GRAMD1A: variants seen among roughly 807,000 people sequenced by gnomAD.
GRAMD1A encodes the protein GRAM domain containing 1A.
Under a neutral mutation model 92.0 loss-of-function variants are expected in GRAMD1A, and 50 were observed. That is an observed-to-expected ratio of 0.54 (90% CI 0.43 to 0.69). GRAMD1A has a LOEUF of 0.69. GRAMD1A is among the 30% of genes least tolerant of loss of function. The pLI, the probability that GRAMD1A is intolerant of heterozygous loss-of-function variation, is 0.00. For missense variants in GRAMD1A, 819 were observed against 978.9 expected (o/e 0.84, Z 2.18); for synonymous variants, 405 against 403.6 (o/e 1.00, Z -0.04).
chr19:35,026,003 C>T (rs774655580), intron 19 of GRAMD1A, 46 bp from the exon 20 acceptor site: 20 of 959,174 alleles, frequency 2.1e-5, no homozygotes, highest in Non-Finnish European at 3.4e-5. Context: ...CATCACCCCC[C>T]AGCCTCCAGC....
In GRAMD1A at chr19:35,023,504, A is replaced by G. The variant is rs888648528; in HGVS notation, c.2039A>G (p.Lys680Arg). 3 of 1,585,346 alleles carry G rather than the reference A, an allele frequency of 1.9e-6. No individual in the cohort carries two copies. The highest frequency in any genetic ancestry group is 2.6e-6 in the Non-Finnish European group (3 of 1,167,710). Residue 680 changes from lysine (K) to arginine (R), a missense_variant, in exon 19 of 20, where the codon AAG becomes AGG. Physicochemically the swap from Lys to Arg is conservative, Grantham distance 26 (BLOSUM62 2). Around this residue, in one of 3 missense-constraint regions of GRAMD1A, gnomAD observed 577 missense variants for 674.6 expected, o/e 0.86. Transcript: ENST00000317991. ...QKQFHSVEVH[K>R]WRQILRASVE... The stretch of plus-strand genomic sequence containing the variant: ...CAATTCCACAGCGTGGAGGTGCACA[A>G]GTGGAGGCAGATCCTGCGGGCCTCC...
At chr19:35,011,779 G>A (rs78309067) in intron 7 of GRAMD1A, among the ~76,000 whole-genome samples, 2,534 of 152,302 alleles carry the variant, frequency 0.017, 73 homozygotes, top group African/African-American at 0.058. Context: ...CTGGGGCTGG[G>A]AATGATTTTC....
In GRAMD1A at chr19:35,014,194, G is replaced by GGAGGA; in HGVS notation, c.877_881dup (p.Asp294GlufsTer8). ...CATCGGGCCTTTCTCCACAGGCAGA[G>GGAGGA]GAGGACAAGGAGGAGCAGGTAGACA... On this transcript the variant is annotated frameshift_variant, in exon 10 of 20. Coordinates refer to ENST00000317991, the MANE Select transcript of GRAMD1A (RefSeq NM_020895.5). LOFTEE classifies it high-confidence loss of function. 4 of 1,613,224 alleles carry GGAGGA rather than the reference G, an allele frequency of 2.5e-6. No homozygotes were observed. Among genetic ancestry groups the GGAGGA allele is most frequent in the Non-Finnish European group, 3.4e-6 (4 of 1,179,950 alleles).
upstream of GRAMD1A, chr19:34,999,507 G>C (rs1227726660): frequency 6.6e-6 from 1 of 152,086 alleles, no homozygotes; most frequent in Non-Finnish European, 1.5e-5. Context: ...TCTTGCAGAC[G>C]GGGCGGGGGA....
At position 35,011,571 on chromosome 19, in the gene GRAMD1A, C is replaced by G; in HGVS notation, c.606+17C>G. 6.9e-6 allele frequency: 11 copies of G among 1,586,146 alleles called. No homozygotes were observed. The highest frequency in any genetic ancestry group is 9.5e-6 in the Non-Finnish European group (11 of 1,158,780). ...CTTGAAAAGGTGGGCCTGGGTGAGGCCCGGGTGGGGATGGGGGGTTTCCAG... is the reference window on the plus strand; with the variant it reads ...CTTGAAAAGGTGGGCCTGGGTGAGGGCCGGGTGGGGATGGGGGGTTTCCAG... On this transcript the variant is annotated intron_variant, in intron 7 of 19. Transcript: ENST00000317991.
At chr19:35,015,610 A>G in intron 10 of GRAMD1A, 3 of 530,876 alleles carry the variant, frequency 5.7e-6, no homozygotes, top group Non-Finnish European at 1.0e-5. Flanking sequence ...TCCACCCAGA[A>G]CCAAGCACAG....
intron 6 of GRAMD1A, chr19:35,010,589 C>G: frequency 1.7e-6 from 1 of 603,396 alleles, no homozygotes; most frequent in Non-Finnish European, 2.9e-6. Context: ...CCTCACACAG[C>G]TGCTCAGGAA....
intron 10 of GRAMD1A, 117 bp downstream of exon 10, chr19:35,014,504 G>A (rs772792923): frequency 8.3e-6 from 7 of 841,890 alleles, no homozygotes; most frequent in East Asian, 2.6e-5. Context: ...GCGGGATGGC[G>A]TTCAGGCGCT....
rs142416420 is a variant in GRAMD1A at position 35,020,183 on chromosome 19, G to C, written c.1475+650G>C. ...GAGGCAGGAGTATCACTTGAGCCCAGGAGTTCAAGAGTAGCCTGGGTAACG... is the reference window on the plus strand; with the variant it reads ...GAGGCAGGAGTATCACTTGAGCCCACGAGTTCAAGAGTAGCCTGGGTAACG... On this transcript the variant is annotated intron_variant, in intron 13 of 19. Coordinates refer to ENST00000317991, the MANE Select transcript of GRAMD1A (RefSeq NM_020895.5). 2.8e-4 allele frequency among the ~76,000 whole-genome samples: 42 copies of C among 152,300 alleles called. No individual in the cohort carries two copies. The East Asian group carries it at 6.2e-3, about 22-fold the overall frequency.
rs1045331360 is a variant in GRAMD1A at position 35,009,219 on chromosome 19, C to T, written c.109C>T (p.Pro37Ser). Residue 37 changes from proline to serine, a missense_variant, in exon 2 of 20, where the codon CCA becomes TCA. Transcript: ENST00000317991. ...AAGCCGGCCCCCACCTGAGCCAGAA[C>T]CAGGCACCATGGTGGAGAAGGGATC... ...PPSRPPPEPE[P>S]GTMVEKGSDS... 1.2e-6 allele frequency: 2 copies of T among 1,613,642 alleles called. No individual in the cohort carries two copies. The highest frequency in any genetic ancestry group is 1.1e-5 in the South Asian group (1 of 91,070).
Position 35,009,139 on chromosome 19 carries a change from G to A in GRAMD1A, c.29G>A (p.Arg10Gln), listed in dbSNP as rs375002487. The change falls in exon 2 of 20, where the codon CGG becomes CAG. Residue 10 changes from arginine to glutamine, a missense_variant. Around this residue, in one of 3 missense-constraint regions of GRAMD1A, gnomAD observed 98 missense variants for 84.0 expected, o/e 1.17. Transcript: ENST00000317991. MFDTTPHSG[R>Q]STPSSSPSLR... ...CCCAGCACCACACCCCACTCTGGCC[G>A]GAGCACGCCAAGCAGCTCCCCATCG... is the stretch of plus-strand genomic sequence containing the variant. The A allele has an allele frequency of 2.0e-5, 32 of 1,613,414 alleles. No individual in the cohort carries two copies. The highest frequency in any genetic ancestry group is 4.5e-5 in the East Asian group (2 of 44,884).
chr19:35,023,182 G>A, intron 17 of GRAMD1A, 54 bp from the exon 18 acceptor site: 1 of 1,236,564 alleles, frequency 8.1e-7, no homozygotes. Flanking sequence ...GTTGTTTGGG[G>A]GTGTTCAGAG....
In GRAMD1A at chr19:35,000,422, AGCCCTGCCCT is replaced by A. The variant is rs3072398; in HGVS notation, c.-39_-30del. 8 of 1,138,064 alleles carry A rather than the reference AGCCCTGCCCT, an allele frequency of 7.0e-6. No individual in the cohort carries two copies. Among genetic ancestry groups the A allele is most frequent in the South Asian group, 4.1e-5 (1 of 24,528 alleles). The allele number at this position is 1,138,064 out of a possible 1,614,324, so 70.5% of individuals were successfully genotyped here. On this transcript the variant is annotated 5_prime_UTR_variant, in exon 1 of 20. Transcript: ENST00000317991. The surrounding 1 kb of genome is among the most constrained non-coding windows in gnomAD (Gnocchi z 4.9). ...AGCGCAGCCCAGCCCCGCGCAGCCC[AGCCCTGCCCT>A]GCCCTGCCCTGCCCTGCGCCCGGGG...
upstream of GRAMD1A, among the ~76,000 whole-genome samples, chr19:34,997,351 A>G (rs984116638): frequency 2.7e-5 from 4 of 148,078 alleles, no homozygotes; most frequent in African/African-American, 7.4e-5. Context: ...AGCCCATGTG[A>G]AAGGTATTTC....
chr19:35,005,120 T>G (rs2014702072), intron 1 of GRAMD1A, among the ~76,000 whole-genome samples: 1 of 137,924 alleles, frequency 7.3e-6, no homozygotes, highest in African/African-American at 2.8e-5. Flanking sequence ...ACCCAGGCCA[T>G]CCCCAACAGT....
rs2014279476 is a variant in GRAMD1A, at chr19:35,000,541, AGGGAGGGGGCGCCGCGGGCTTG to A, written c.8+67_8+88del. Reference sequence around the variant, plus strand: ...CCGGGCGCGCGGGGGAGGCCACCGGAGGGAGGGGGCGCCGCGGGCTTGGGGAGGGGGCGGAGCGGCCGCTGCA... The same window carrying A: ...CCGGGCGCGCGGGGGAGGCCACCGGAGGGAGGGGGCGGAGCGGCCGCTGCA... On this transcript the variant is annotated intron_variant, in intron 1 of 19. Coordinates refer to ENST00000317991, the MANE Select transcript of GRAMD1A (RefSeq NM_020895.5). This position sits in a 1 kb window ranked among gnomAD's most constrained non-coding sequence, Gnocchi z 4.9. The A allele has an allele frequency of 7.2e-6, 8 of 1,105,128 alleles. No individual in the cohort carries two copies. Among genetic ancestry groups the A allele is most frequent in the South Asian group, 6.5e-5 (2 of 30,712 alleles). The allele number at this position is 1,105,128 out of a possible 1,614,324, so 68.5% of individuals were successfully genotyped here. A position where few individuals can be genotyped will look rare whatever the true frequency, so the allele number is the denominator to read the frequency against.
Position 35,013,666 on chromosome 19 carries a change from G to A in GRAMD1A, c.845G>A (p.Arg282Gln), listed in dbSNP as rs748353358. 15 of 1,612,318 alleles carry A rather than the reference G, an allele frequency of 9.3e-6. No homozygotes were observed. The highest frequency in any genetic ancestry group is 2.2e-5 in the East Asian group (1 of 44,856). ...RRGHVTPNLS[R>Q]ASSDADHGAE... is the part of the protein sequence containing the mutation. ...GGCCATGTCACGCCCAACCTTTCCC[G>A]AGCCAGCAGCGACGCAGACCATGGG... The change falls in exon 9 of 20, where the codon CGA (arginine) becomes CAA (glutamine). Residue 282 changes from arginine (R) to glutamine (Q), a missense_variant. Coordinates refer to ENST00000317991, the MANE Select transcript of GRAMD1A (RefSeq NM_020895.5). This position sits in a 1 kb window ranked among gnomAD's most constrained non-coding sequence, Gnocchi z 4.9.
rs184334041 is a variant in GRAMD1A at position 35,005,140 on chromosome 19, C to T, written c.9-3979C>T. On this transcript the variant is annotated intron_variant, in intron 1 of 19. Transcript: ENST00000317991. ...GGCCATCCCCAACAGTATGTGCTCA[C>T]GGAGCACCTCCTGTACGCCAGGCCC... Among the ~76,000 whole-genome samples, 65 of 143,404 alleles carry T rather than the reference C, an allele frequency of 4.5e-4. No individual in the cohort carries two copies. In the East Asian group the frequency reaches 0.012, roughly 26 times the overall value. The allele number at this position is 143,404 out of a possible 152,430, so 94.1% of individuals were successfully genotyped here. A position where few individuals can be genotyped will look rare whatever the true frequency, so the allele number is the denominator to read the frequency against.
At position 35,026,187 on chromosome 19, in the gene GRAMD1A, A is replaced by C. The variant is rs1050854088; in HGVS notation, c.*46A>C. ...TTCCCCCACATGGACAGATGGACAC[A>C]CAGAGCCTCGGCGGCCACTGCTGGC... On this transcript the variant is annotated 3_prime_UTR_variant, in exon 20 of 20. Transcript: ENST00000317991. 1 of 1,005,380 alleles carries C rather than the reference A, an allele frequency of 9.9e-7. No homozygotes were observed. The highest frequency in any genetic ancestry group is 1.6e-6 in the Non-Finnish European group (1 of 629,516). The allele number at this position is 1,005,380 out of a possible 1,614,324, so 62.3% of individuals were successfully genotyped here. A position where few individuals can be genotyped will look rare whatever the true frequency, so the allele number is the denominator to read the frequency against.
Sources: gnomAD v4.1 joint callset for allele counts (sites outside exome capture counted in the v4.1 genomes callset) on GRCh38, gnomAD v4.1.1 for gene constraint, gnomAD v4.1.1 regional missense constraint, Gnocchi (gnomAD v3.1) non-coding constraint, MANE v1.5 for transcripts, NCBI Gene and HGNC (gene_info 2026-07-23, HGNC 2026-07-21) for gene names.